The following ATXN10 variants were observed in gnomAD, a reference collection of about 807,000 sequenced individuals.
ATXN10 encodes ataxin 10, also known as ataxin-10.
In ATXN10, 28 loss-of-function variants were observed where a neutral mutation model predicts 52.9. The observed-to-expected ratio is 0.53, with a 90% CI of 0.39 to 0.73. The LOEUF is 0.73. Among genes scored for constraint, ATXN10 ranks in the 30% least tolerant of loss-of-function variants. The pLI is 0.00. For missense variants in ATXN10, 565 were observed against 577.0 expected (o/e 0.98, Z 0.21); for synonymous variants, 226 against 221.5 (o/e 1.02, Z -0.18).
At position 45,789,727 on chromosome 22, in the gene ATXN10, G is replaced by A. The variant is rs574641052; in HGVS notation, c.1174-17232G>A. Among the ~76,000 whole-genome samples the A allele has an allele frequency of 2.6e-5, 4 of 152,336 alleles. No individual in the cohort carries two copies. The highest frequency in any genetic ancestry group is 7.2e-5 in the African/African-American group (3 of 41,582). On this transcript the variant is annotated intron_variant, in intron 9 of 11. Coordinates refer to ENST00000252934, the MANE Select transcript of ATXN10 (RefSeq NM_013236.4). The surrounding 1 kb of genome is among the most constrained non-coding windows in gnomAD (Gnocchi z 4.0). The stretch of plus-strand genomic sequence containing the variant: ...GGCTTTAGCTTTGGCCGTTAGGGAT[G>A]TAGGAGTGTGTCCTTCCTTTGGAGA...
rs185132112 is a variant in ATXN10 at position 45,835,138 on chromosome 22, G to A, written c.1238-7853G>A. On this transcript the variant is annotated intron_variant, in intron 10 of 11. Transcript: ENST00000252934. The surrounding 1 kb of genome is among the most constrained non-coding windows in gnomAD (Gnocchi z 5.0). ...GTGAATGTGAGGTACCTGTGAGCGC[G>A]GCCCTCCATCGGCCACAGAAGCTTT... 2.5e-4 allele frequency among the ~76,000 whole-genome samples: 38 copies of A among 152,294 alleles called. 1 individual carries two copies. Among genetic ancestry groups the A allele is most frequent in the East Asian group, 1.9e-3 (10 of 5,178 alleles).
chr22:45,731,105 A>G (rs1925073506), intron 7 of ATXN10, among the ~76,000 whole-genome samples: 3 of 152,122 alleles, frequency 2.0e-5, no homozygotes, highest in East Asian at 3.8e-4. Flanking sequence ...GTTTTTATCT[A>G]TTCTCCCTTT....
rs1434921281 is a variant in ATXN10 at position 45,780,546 on chromosome 22, C to T, written c.1174-26413C>T. On this transcript the variant is annotated intron_variant, in intron 9 of 11. Transcript: ENST00000252934. The surrounding 1 kb of genome is among the most constrained non-coding windows in gnomAD (Gnocchi z 4.0). ...TGTGAACCTGTGCCAGCCTGTTTCC[C>T]CCTCTGTAGAATGGGATAACAGGAA... is the stretch of plus-strand genomic sequence containing the variant. Among the ~76,000 whole-genome samples, 1 of 152,112 alleles carries T rather than the reference C, an allele frequency of 6.6e-6. No individual in the cohort carries two copies. The highest frequency in any genetic ancestry group is 1.9e-4 in the East Asian group (1 of 5,196).
intron 5 of ATXN10, among the ~76,000 whole-genome samples, chr22:45,710,988 G>A (rs559746304): frequency 1.8e-4 from 27 of 152,188 alleles, no homozygotes; most frequent in African/African-American, 4.3e-4. Context: ...GGTCTGTATC[G>A]TTGTTCTCTA....
intron 1 of ATXN10, chr22:45,675,892 A>G (rs1331644796): frequency 1.3e-5 from 2 of 152,190 alleles, no homozygotes; most frequent in Non-Finnish European, 2.9e-5. Context: ...GTCATATAAT[A>G]TCAGTATTGA....
intron 3 of ATXN10, among the ~76,000 whole-genome samples, chr22:45,695,895 A>G (rs1398125610): frequency 6.6e-6 from 1 of 152,188 alleles, no homozygotes; most frequent in Non-Finnish European, 1.5e-5. Context: ...AGGCTAAATT[A>G]GCGTGTTAGA....
chr22:45,724,013 A>T (rs1924767875), intron 6 of ATXN10, among the ~76,000 whole-genome samples: 1 of 145,280 alleles, frequency 6.9e-6, no homozygotes, highest in Non-Finnish European at 1.5e-5. Flanking sequence ...ACATTATTTC[A>T]TTCTTTTTTA....
intron 9 of ATXN10, among the ~76,000 whole-genome samples, chr22:45,797,449 C>A (rs1045572408): frequency 6.6e-6 from 1 of 152,156 alleles, no homozygotes; most frequent in African/African-American, 2.4e-5. Flanking sequence ...CAGTACACTT[C>A]TAAATAACCC....
At chr22:45,808,512 C>T (rs1368659688) in intron 10 of ATXN10, among the ~76,000 whole-genome samples, 4 of 152,192 alleles carry the variant, frequency 2.6e-5, no homozygotes, top group Non-Finnish European at 5.9e-5. Context: ...TGCCAGATGG[C>T]CATCCGTTCA....
At chr22:45,724,278 C>G (rs534864172) in intron 6 of ATXN10, among the ~76,000 whole-genome samples, 1 of 152,162 alleles carries the variant, frequency 6.6e-6, no homozygotes, top group East Asian at 1.9e-4. Context: ...ATTTTACTTT[C>G]CCCCCAGCAT....
chr22:45,791,998 A>G (rs1400070658), intron 9 of ATXN10, among the ~76,000 whole-genome samples: 1 of 152,176 alleles, frequency 6.6e-6, no homozygotes, highest in Non-Finnish European at 1.5e-5. Flanking sequence ...TCCCAGGCAC[A>G]GTTTATTTTG....
chr22:45,692,965 T>C (rs1161605828), intron 2 of ATXN10, 31 bp from the exon 3 acceptor site: 4 of 1,568,960 alleles, frequency 2.5e-6, no homozygotes, highest in Non-Finnish European at 3.5e-6. Flanking sequence ...TGAATGAACA[T>C]GTCTAATTTT....
chr22:45,671,982 T>TCCTCCCTCCTCGTCATCCTCCC lies in ATXN10; in HGVS notation c.-78_-57dup. 1 of 1,458,212 alleles carries TCCTCCCTCCTCGTCATCCTCCC rather than the reference T, an allele frequency of 6.9e-7. No individual in the cohort carries two copies. The highest frequency in any genetic ancestry group is 1.2e-5 in the South Asian group (1 of 81,422). The allele number at this position is 1,458,212 out of a possible 1,614,324, so 90.3% of individuals were successfully genotyped here. A position where few individuals can be genotyped will look rare whatever the true frequency, so the allele number is the denominator to read the frequency against. On this transcript the variant is annotated 5_prime_UTR_variant, in exon 1 of 12. Coordinates refer to ENST00000252934, the MANE Select transcript of ATXN10 (RefSeq NM_013236.4). ...TCCCCCTTCCTCCTCGCCATCCTAC[T>TCCTCCCTCCTCGTCATCCTCCC]CCTCCCTCCTCGTCATCCTCCCCCT...
At position 45,824,627 on chromosome 22, in the gene ATXN10, A is replaced by G. The variant is rs1353332241; in HGVS notation, c.1237+17605A>G. 6.6e-6 allele frequency among the ~76,000 whole-genome samples: 1 copy of G among 152,246 alleles called. No homozygotes were observed. The highest frequency in any genetic ancestry group is 2.4e-5 in the African/African-American group (1 of 41,462). On this transcript the variant is annotated intron_variant, in intron 10 of 11. Transcript: ENST00000252934. This position sits in a 1 kb window ranked among gnomAD's most constrained non-coding sequence, Gnocchi z 5.2. Reference sequence around the variant, plus strand: ...AAGTGGCATCAGATGCTAGTTGGGAACAATGACTTACAAAGTGCAGTAAAC... The same window carrying G: ...AAGTGGCATCAGATGCTAGTTGGGAGCAATGACTTACAAAGTGCAGTAAAC...
At position 45,823,019 on chromosome 22, in the gene ATXN10, G is replaced by T. The variant is rs1391849648; in HGVS notation, c.1237+15997G>T. ...GAAATAGTCTTTCCCATCCATCTTTGTTCTTACTTTCCTCATGGTGTCTTA... is the reference window on the plus strand; with the variant it reads ...GAAATAGTCTTTCCCATCCATCTTTTTTCTTACTTTCCTCATGGTGTCTTA... On this transcript the variant is annotated intron_variant, in intron 10 of 11. Coordinates refer to ENST00000252934, the MANE Select transcript of ATXN10 (RefSeq NM_013236.4). The surrounding 1 kb of genome is among the most constrained non-coding windows in gnomAD (Gnocchi z 4.9). 6.5e-6 allele frequency: 2 copies of T among 307,958 alleles called. No homozygotes were observed. Among genetic ancestry groups the T allele is most frequent in the Non-Finnish European group, 1.3e-5 (2 of 148,762 alleles). 19.1% of individuals were successfully genotyped at this position (307,958 alleles called of 1,614,324 possible). A position where few individuals can be genotyped will look rare whatever the true frequency, so the allele number is the denominator to read the frequency against.
chr22:45,679,272 A>G (rs185710778), intron 1 of ATXN10: 2 of 152,326 alleles, frequency 1.3e-5, no homozygotes, highest in East Asian at 3.9e-4. Flanking sequence ...TATTTTTATT[A>G]TTTTCTTGAA....
chr22:45,724,046 G>GTA (rs138159), intron 6 of ATXN10, among the ~76,000 whole-genome samples: 1 of 151,250 alleles, frequency 6.6e-6, no homozygotes, highest in African/African-American at 2.4e-5. Context: ...ATTCCATTGT[G>GTA]TATATATATA....
rs1356453979 is a variant in ATXN10, at chr22:45,805,999, C to CA, written c.1174-953dup. Among the ~76,000 whole-genome samples the CA allele has an allele frequency of 6.6e-6, 1 of 151,928 alleles. No individual in the cohort carries two copies. Among genetic ancestry groups the CA allele is most frequent in the Non-Finnish European group, 1.5e-5 (1 of 67,966 alleles). The stretch of plus-strand genomic sequence containing the variant: ...GCAACATAGTGAGACCTCATCTTTA[C>CA]AAAAAAATAAAATAACAAAATAAAC... On this transcript the variant is annotated intron_variant, in intron 9 of 11. Coordinates refer to ENST00000252934, the MANE Select transcript of ATXN10 (RefSeq NM_013236.4). This position sits in a 1 kb window ranked among gnomAD's most constrained non-coding sequence, Gnocchi z 4.4.
chr22:45,743,663 T>C (rs933769912), intron 9 of ATXN10, among the ~76,000 whole-genome samples: 3 of 152,218 alleles, frequency 2.0e-5, no homozygotes, highest in African/African-American at 7.2e-5. Flanking sequence ...TCATCTAGCC[T>C]AATTTGGGTT....
Sources: gnomAD v4.1 joint callset for allele counts (sites outside exome capture counted in the v4.1 genomes callset) on GRCh38, gnomAD v4.1.1 for gene constraint, Gnocchi (gnomAD v3.1) non-coding constraint, MANE v1.5 for transcripts, NCBI Gene and HGNC (gene_info 2026-07-23, HGNC 2026-07-21) for gene names.